SPINK2: variants seen among roughly 807,000 people sequenced by gnomAD.
SPINK2 encodes the protein serine protease inhibitor Kazal-type 2.
In SPINK2, 8 loss-of-function variants were observed where a neutral mutation model predicts 13.5. The observed-to-expected ratio is 0.59, with a 90% CI of 0.35 to 1.07. The LOEUF is 1.07. Ranked by LOEUF, SPINK2 falls within the 50% of genes least tolerant of loss-of-function variation. SPINK2 has a pLI of 0.02. For synonymous variants in SPINK2, 76 were observed against 74.7 expected (o/e 1.02, Z -0.09); for missense variants, 148 against 180.3 (o/e 0.82, Z 1.03).
rs775344345 is a variant in SPINK2, at chr4:56,809,957, A to G, written c.*182T>C. The G allele has an allele frequency of 1.0e-4, 152 of 1,463,736 alleles. No individual in the cohort carries two copies. The highest frequency in any genetic ancestry group is 1.3e-4 in the Non-Finnish European group (149 of 1,111,160). 90.7% of individuals were successfully genotyped at this position (1,463,736 alleles called of 1,614,324 possible). On this transcript the variant is annotated 3_prime_UTR_variant, in exon 4 of 4. Coordinates refer to ENST00000506738, the MANE Select transcript of SPINK2 (RefSeq NM_001271718.2). ...CAGGAGCAAAAGCCAAGAAACAAGG[A>G]TTCTTTTTTTCTTTAAATTATCCAT...
At chr4:56,820,679 C>T in intron 1 of SPINK2, 100 bp from the exon 2 acceptor site, 4 of 1,059,314 alleles carry the variant, frequency 3.8e-6, no homozygotes, top group African/African-American at 1.6e-5. Flanking sequence ...CTATGTTGCC[C>T]AGGCTGGTCT....
At chr4:56,815,421 A>G (rs1447064176) in intron 2 of SPINK2, among the ~76,000 whole-genome samples, 1 of 152,116 alleles carries the variant, frequency 6.6e-6, no homozygotes, top group Non-Finnish European at 1.5e-5. Flanking sequence ...CTATTCAAAG[A>G]TGACAGAGGG....
chr4:56,821,002 C>T (rs1432006487), intron 1 of SPINK2, among the ~76,000 whole-genome samples: 1 of 152,230 alleles, frequency 6.6e-6, no homozygotes, highest in African/African-American at 2.4e-5. Flanking sequence ...CGCGCTAGCG[C>T]ACTGCAGCTT....
intron 2 of SPINK2, among the ~76,000 whole-genome samples, chr4:56,812,016 G>C (rs1717025466): frequency 7.0e-6 from 1 of 143,064 alleles, no homozygotes. Context: ...TCCTGCCTCA[G>C]CCTCCCAAGT....
chr4:56,813,509 A>G (rs572900002), intron 2 of SPINK2, among the ~76,000 whole-genome samples: 11 of 152,190 alleles, frequency 7.2e-5, no homozygotes, highest in African/African-American at 2.4e-4. Context: ...AGCGTTATCA[A>G]CTGAGCTCTG....
intron 2 of SPINK2, among the ~76,000 whole-genome samples, chr4:56,815,592 T>G (rs1267000428): frequency 6.6e-6 from 1 of 151,768 alleles, no homozygotes; most frequent in Non-Finnish European, 1.5e-5. Flanking sequence ...CCCAGCTACT[T>G]GAGAAGCTGA....
chr4:56,811,637 A>G, intron 3 of SPINK2, 48 bp downstream of exon 3: 4 of 1,298,294 alleles, frequency 3.1e-6, no homozygotes, highest in Non-Finnish European at 4.3e-6. Flanking sequence ...AAGAAAAAAA[A>G]AGAAATGAAG....
Position 56,813,262 on chromosome 4 carries a change from G to A in SPINK2, c.250-1468C>T, listed in dbSNP as rs537953832. 3.9e-5 allele frequency among the ~76,000 whole-genome samples: 6 copies of A among 152,320 alleles called. No individual in the cohort carries two copies. The East Asian group carries it at 9.7e-4, about 25-fold the overall frequency. The stretch of plus-strand genomic sequence containing the variant: ...CGTTTGAACCTGGGAGGCAGAGGTT[G>A]CAGTGAGCCGAGATTGCACCACTGC... On this transcript the variant is annotated intron_variant, in intron 2 of 3. Coordinates refer to ENST00000506738, the MANE Select transcript of SPINK2 (RefSeq NM_001271718.2).
intron 2 of SPINK2, among the ~76,000 whole-genome samples, chr4:56,813,172 A>C (rs1717138645): frequency 6.6e-6 from 1 of 151,994 alleles, no homozygotes; most frequent in Non-Finnish European, 1.5e-5. Flanking sequence ...AAAATACAAA[A>C]ATTAGCTGGG....
At chr4:56,820,226 C>T (rs1376641893) in intron 2 of SPINK2, among the ~76,000 whole-genome samples, 1 of 152,186 alleles carries the variant, frequency 6.6e-6, no homozygotes, top group African/African-American at 2.4e-5. Context: ...TGCTTGTTCT[C>T]ATTTGGTTGG....
intron 2 of SPINK2, among the ~76,000 whole-genome samples, chr4:56,817,883 G>C (rs1717590836): frequency 6.6e-6 from 1 of 151,948 alleles, no homozygotes; most frequent in African/African-American, 2.4e-5. Context: ...TGGCACTAAG[G>C]ATAGAGGAGG....
intron 2 of SPINK2, among the ~76,000 whole-genome samples, chr4:56,815,762 T>TCACACACACACACACACA (rs140055216): frequency 7.0e-6 from 1 of 142,972 alleles, no homozygotes; most frequent in Non-Finnish European, 1.5e-5. Flanking sequence ...CCTAAGAAAT[T>TCACACACACACACACACA]CACACACACA....
At position 56,812,857 on chromosome 4, in the gene SPINK2, A is replaced by G. The variant is rs150787094; in HGVS notation, c.250-1063T>C. Among the ~76,000 whole-genome samples, 375 of 152,284 alleles carry G rather than the reference A, an allele frequency of 2.5e-3. 1 individual carries two copies. The highest frequency in any genetic ancestry group is 8.8e-3 in the African/African-American group (366 of 41,546). On this transcript the variant is annotated intron_variant, in intron 2 of 3. Coordinates refer to ENST00000506738, the MANE Select transcript of SPINK2 (RefSeq NM_001271718.2). ...TGAGAATTGAAGCAAATTTGTGCCA[A>G]AGGAAAAATGTTCAAAACAGGTTCA...
At chr4:56,821,774 G>A, upstream of SPINK2, 4 of 1,141,054 alleles carry the variant, frequency 3.5e-6, no homozygotes, top group Non-Finnish European at 3.4e-6. Context: ...GGGCGAGAAT[G>A]GGAGGAAAAG....
intron 2 of SPINK2, among the ~76,000 whole-genome samples, chr4:56,819,013 GC>G (rs1485961947): frequency 6.6e-6 from 1 of 152,150 alleles, no homozygotes; most frequent in African/African-American, 2.4e-5. Context: ...GAGTCAGACT[GC>G]CTGGATGAGA....
At position 56,821,550 on chromosome 4, in the gene SPINK2, C is replaced by T; in HGVS notation, c.113G>A (p.Ser38Asn). 2 of 1,547,088 alleles carry T rather than the reference C, an allele frequency of 1.3e-6. No homozygotes were observed. The highest frequency in any genetic ancestry group is 4.9e-5 in the East Asian group (2 of 40,872). ...RGPPEKSGFGSQTGGGPCPAP... is the reference protein window; with the variant it reads ...RGPPEKSGFGNQTGGGPCPAP... ...AGGGCAGGGTCCGCCGCCGGTCTGA[C>T]TCCCAAACCCGCTTTTCTCCGGAGG... Residue 38 changes from serine (S) to asparagine (N), a missense_variant, in exon 1 of 4, where the codon AGT (serine) becomes AAT (asparagine). Transcript: ENST00000506738.
At chr4:56,815,762 TCACACACACACA>T (rs140055216) in intron 2 of SPINK2, among the ~76,000 whole-genome samples, 5 of 142,970 alleles carry the variant, frequency 3.5e-5, no homozygotes, top group African/African-American at 7.8e-5. Flanking sequence ...CCTAAGAAAT[TCACACACACACA>T]CACACACACA....
At chr4:56,815,497 C>T (rs1199335998) in intron 2 of SPINK2, among the ~76,000 whole-genome samples, 3 of 152,052 alleles carry the variant, frequency 2.0e-5, no homozygotes, top group Admixed American at 2.0e-4. Flanking sequence ...GCCAGGAGTT[C>T]GAGATCAGCC....
At chr4:56,811,621 A>C in intron 3 of SPINK2, 64 bp downstream of exon 3, 1 of 1,178,206 alleles carries the variant, frequency 8.5e-7, no homozygotes, top group South Asian at 1.3e-5. Flanking sequence ...TGTCAAAAAA[A>C]AAAAGAAGAA....
Sources: gnomAD v4.1 joint callset for allele counts (sites outside exome capture counted in the v4.1 genomes callset) on GRCh38, gnomAD v4.1.1 for gene constraint, MANE v1.5 for transcripts, NCBI Gene and HGNC (gene_info 2026-07-23, HGNC 2026-07-21) for gene names.